The following TYW1B variants were observed in gnomAD, a reference collection of about 807,000 sequenced individuals.
TYW1B encodes the protein tRNA-yW synthesizing protein 1 homolog B.
TYW1B carries 73 observed loss-of-function variants against 86.9 expected under a neutral mutation model. That is an observed-to-expected ratio of 0.84 (90% CI 0.70 to 1.02). TYW1B has a LOEUF of 1.02. TYW1B is among the 50% of genes least tolerant of loss of function. The pLI, the probability that TYW1B is intolerant of heterozygous loss-of-function variation, is 0.00. For missense variants in TYW1B, 637 were observed against 827.4 expected (o/e 0.77, Z 2.82); for synonymous variants, 248 against 292.8 (o/e 0.85, Z 1.56).
intron 11 of TYW1B, among the ~76,000 whole-genome samples, chr7:72,650,069 G>GTTTTTTTTTTTTTT: frequency 7.6e-6 from 1 of 131,556 alleles, no homozygotes; most frequent in Non-Finnish European, 1.6e-5. Context: ...TTTTTTGTTG[G>GTTTTTTTTTTTTTT]TTTTTTTTTT....
At chr7:72,686,463 A>G (rs1241458065) in intron 11 of TYW1B, among the ~76,000 whole-genome samples, 5 of 152,192 alleles carry the variant, frequency 3.3e-5, no homozygotes, top group Non-Finnish European at 7.3e-5. Flanking sequence ...AAAAGGCTAC[A>G]TACGGTATGA....
intron 5 of TYW1B, among the ~76,000 whole-genome samples, chr7:72,804,464 A>C (rs1788460002): frequency 6.6e-6 from 1 of 152,126 alleles, no homozygotes; most frequent in Non-Finnish European, 1.5e-5. Flanking sequence ...CCTGCGCCAG[A>C]TGATAGGATT....
At chr7:72,616,871 T>C (rs1812090558) in intron 12 of TYW1B, 32 bp from the exon 13 acceptor site, 1 of 1,609,632 alleles carries the variant, frequency 6.2e-7, no homozygotes, top group South Asian at 1.1e-5. Context: ...CAGAGATGAC[T>C]ACAGACCTAC....
intron 7 of TYW1B, among the ~76,000 whole-genome samples, chr7:72,765,874 C>T (rs1787760388): frequency 6.6e-6 from 1 of 152,118 alleles, no homozygotes; most frequent in Admixed American, 6.6e-5. Flanking sequence ...AACTACAAAC[C>T]GGAAGAAAAA....
rs1206064813 is a variant in TYW1B at position 72,746,111 on chromosome 7, G to A, written c.965-1510C>T. ...ACTCCTGACCTCAAGTGATCTGCCC[G>A]CCTCGACCTCCCAAGGTACTGTTAT... On this transcript the variant is annotated intron_variant, in intron 7 of 13. Transcript: ENST00000620995. Among the ~76,000 whole-genome samples, 11 of 152,054 alleles carry A rather than the reference G, an allele frequency of 7.2e-5. No homozygotes were observed. The South Asian group carries it at 1.5e-3, about 20-fold the overall frequency.
intron 10 of TYW1B, among the ~76,000 whole-genome samples, chr7:72,701,904 T>G (rs1386615149): frequency 6.6e-6 from 1 of 152,138 alleles, no homozygotes; most frequent in Non-Finnish European, 1.5e-5. Context: ...GCAGGCAGTT[T>G]GCAACTCTGC....
chr7:72,745,667 T>C (rs1787380458), intron 7 of TYW1B, among the ~76,000 whole-genome samples: 1 of 151,832 alleles, frequency 6.6e-6, no homozygotes, highest in African/African-American at 2.4e-5. Flanking sequence ...GTCAGTGGAA[T>C]GGGTAGGTTA....
chr7:72,736,115 T>C lies in TYW1B; in HGVS notation c.1083-7184A>G, dbSNP rs147584754. On this transcript the variant is annotated intron_variant, in intron 8 of 13. Coordinates refer to ENST00000620995, the MANE Select transcript of TYW1B (RefSeq NM_001145440.3). ...TGAACAAAGGAGACAGGGACATTTA[T>C]AACCTGACACATTCACCCTACTGCT... is the stretch of plus-strand genomic sequence containing the variant. Among the ~76,000 whole-genome samples, 1,083 of 152,328 alleles carry C rather than the reference T, an allele frequency of 7.1e-3. 19 individuals carry two copies. Among genetic ancestry groups the C allele is most frequent in the African/African-American group, 0.025 (1,055 of 41,570 alleles).
At chr7:72,713,257 C>T (rs1390044121) in intron 10 of TYW1B, among the ~76,000 whole-genome samples, 4 of 133,614 alleles carry the variant, frequency 3.0e-5, no homozygotes, top group South Asian at 2.3e-4. Flanking sequence ...GCCATGATCA[C>T]GCCACTGCAC....
intron 9 of TYW1B, among the ~76,000 whole-genome samples, chr7:72,718,915 A>C (rs1459096849): frequency 2.0e-5 from 3 of 152,066 alleles, no homozygotes; most frequent in Non-Finnish European, 4.4e-5. Context: ...TTCACACTCT[A>C]GCTCCACCGC....
chr7:72,651,459 A>G (rs1183779303), intron 11 of TYW1B, among the ~76,000 whole-genome samples: 1 of 143,828 alleles, frequency 7.0e-6, no homozygotes, highest in Non-Finnish European at 1.5e-5. Context: ...CTCTACTAAA[A>G]GTACAAAAAT....
chr7:72,700,776 T>C (rs1436109530), intron 10 of TYW1B, among the ~76,000 whole-genome samples: 1 of 152,088 alleles, frequency 6.6e-6, no homozygotes, highest in South Asian at 2.1e-4. Context: ...TCTTTGAAAA[T>C]GTTTTTCTGG....
At chr7:72,581,325 C>G (rs1272808232) in intron 13 of TYW1B, among the ~76,000 whole-genome samples, 1 of 150,742 alleles carries the variant, frequency 6.6e-6, no homozygotes, top group Non-Finnish European at 1.5e-5. Context: ...AATGAGAAGA[C>G]CCTACTGACC....
chr7:72,578,845 C>T (rs1160222062), intron 13 of TYW1B, among the ~76,000 whole-genome samples: 2 of 152,078 alleles, frequency 1.3e-5, no homozygotes, highest in Admixed American at 6.5e-5. Context: ...TTTCGGGATC[C>T]CAGTGTTGCT....
intron 6 of TYW1B, among the ~76,000 whole-genome samples, chr7:72,778,350 C>A (rs1423213829): frequency 6.6e-6 from 1 of 152,186 alleles, no homozygotes; most frequent in African/African-American, 2.4e-5. Context: ...CTCTAAACCC[C>A]AAAAACAAAT....
chr7:72,795,097 T>C (rs1788283281), intron 6 of TYW1B, among the ~76,000 whole-genome samples: 1 of 151,854 alleles, frequency 6.6e-6, no homozygotes, highest in Non-Finnish European at 1.5e-5. Context: ...TGGGATTACA[T>C]GTGCAATTCA....
chr7:72,701,006 G>A (rs1422894209), intron 10 of TYW1B, among the ~76,000 whole-genome samples: 11 of 151,870 alleles, frequency 7.2e-5, no homozygotes, highest in African/African-American at 2.7e-4. Flanking sequence ...GGAGGTTGCA[G>A]TGAGCTGAGA....
chr7:72,613,915 C>G (rs1811999479), intron 13 of TYW1B, among the ~76,000 whole-genome samples: 1 of 149,630 alleles, frequency 6.7e-6, no homozygotes, highest in Admixed American at 6.8e-5. Context: ...TTAAGAAATT[C>G]ACACTGAAAC....
chr7:72,703,016 ATATATATAT>A lies in TYW1B; in HGVS notation c.1371-8203_1371-8195del, dbSNP rs1814519092. 2.3e-4 allele frequency among the ~76,000 whole-genome samples: 4 copies of A among 17,672 alleles called. No individual in the cohort carries two copies. In the South Asian group the frequency reaches 7.2e-3, roughly 32 times the overall value. The allele number at this position is 17,672 out of a possible 152,430, so 11.6% of individuals were successfully genotyped here. The stretch of plus-strand genomic sequence containing the variant: ...TATATATATATATATATATATATAT[ATATATATAT>A]ATTTTTTTTTTTTTTTTGAGATGGA... On this transcript the variant is annotated intron_variant, in intron 10 of 13. Transcript: ENST00000620995.
Sources: gnomAD v4.1 joint callset for allele counts (sites outside exome capture counted in the v4.1 genomes callset) on GRCh38, gnomAD v4.1.1 for gene constraint, MANE v1.5 for transcripts, NCBI Gene and HGNC (gene_info 2026-07-23, HGNC 2026-07-21) for gene names.